Variants in ARHGAP29 observed in about 807,000 individuals in gnomAD.
ARHGAP29 encodes Rho GTPase activating protein 29, also known as rho GTPase-activating protein 29.
Under a neutral mutation model 122.6 loss-of-function variants are expected in ARHGAP29, and 43 were observed. The observed-to-expected ratio is 0.35, with a 90% CI of 0.27 to 0.45. The LOEUF is 0.45. Ranked by LOEUF, ARHGAP29 falls within the 20% of genes least tolerant of loss-of-function variation. The pLI is 1.00. For synonymous variants in ARHGAP29, 506 were observed against 497.1 expected, an observed-to-expected ratio of 1.02 and a Z score of -0.24; for missense variants, 1,303 against 1,477.2, an observed-to-expected ratio of 0.88 and a Z score of 1.93.
chr1:94,311,352 C>T, the ARHGAP29 span, among the ~76,000 whole-genome samples: 1 of 152,160 alleles, frequency 6.6e-6, no homozygotes, highest in Non-Finnish European at 1.5e-5. Context: ...ATGGAATCAA[C>T]CTTTTCTTCT....
chr1:94,217,004 A>G (rs796148889), intron 3 of ARHGAP29, among the ~76,000 whole-genome samples: 11 of 152,348 alleles, frequency 7.2e-5, no homozygotes, highest in African/African-American at 2.6e-4. Context: ...CATTTAAAAT[A>G]AAAAATATGG....
At chr1:94,285,591 G>T in the ARHGAP29 span, among the ~76,000 whole-genome samples, 1 of 152,080 alleles carries the variant, frequency 6.6e-6, no homozygotes, top group Non-Finnish European at 1.5e-5. Flanking sequence ...GAATGTACTG[G>T]TGTAGAGAAA....
chr1:94,221,014 T>C (rs1652260951), intron 2 of ARHGAP29, among the ~76,000 whole-genome samples: 1 of 152,180 alleles, frequency 6.6e-6, no homozygotes, highest in Non-Finnish European at 1.5e-5. Context: ...GCTGCTCTCT[T>C]AGATAGATGA....
chr1:94,249,162 C>T (rs142209811), intron 1 of ARHGAP29, among the ~76,000 whole-genome samples: 2 of 152,182 alleles, frequency 1.3e-5, no homozygotes, highest in Non-Finnish European at 2.9e-5. Flanking sequence ...CAGCATGTGC[C>T]CTGAATCATC....
rs553051606 is a variant in ARHGAP29, at chr1:94,201,869, T to C, written c.1144-12A>G. 9.1e-6 allele frequency: 13 copies of C among 1,434,062 alleles called. No individual in the cohort carries two copies. The highest frequency in any genetic ancestry group is 1.1e-5 in the Non-Finnish European group (12 of 1,095,232). 88.8% of individuals were successfully genotyped at this position (1,434,062 alleles called of 1,614,324 possible). ...TTTGCTTCTTCTACCTTCACAAATATCACAGAAAAAAAAATAACACTAGAA... is the reference window on the plus strand; with the variant it reads ...TTTGCTTCTTCTACCTTCACAAATACCACAGAAAAAAAAATAACACTAGAA... On this transcript the variant is annotated splice_polypyrimidine_tract_variant and intron_variant, in intron 11 of 22. Coordinates refer to ENST00000260526, the MANE Select transcript of ARHGAP29 (RefSeq NM_004815.4).
At chr1:94,203,780 A>C in intron 8 of ARHGAP29, 150 bp downstream of exon 8, 1 of 645,656 alleles carries the variant, frequency 1.5e-6, no homozygotes, top group East Asian at 2.8e-5. Context: ...CATAATGGAC[A>C]TCCATCTAAA....
At chr1:94,301,369 G>A in the ARHGAP29 span, among the ~76,000 whole-genome samples, 3 of 152,274 alleles carry the variant, frequency 2.0e-5, no homozygotes, top group East Asian at 5.8e-4. Context: ...GGCTTCAGAC[G>A]TGTCTAGATC....
At chr1:94,249,778 T>C (rs1654011937) in intron 1 of ARHGAP29, among the ~76,000 whole-genome samples, 1 of 152,012 alleles carries the variant, frequency 6.6e-6, no homozygotes, top group Admixed American at 6.6e-5. Flanking sequence ...AGAAAATTAG[T>C]CATCCTATTT....
intron 19 of ARHGAP29, among the ~76,000 whole-genome samples, chr1:94,180,910 T>G (rs1368420569): frequency 6.6e-6 from 1 of 152,176 alleles, no homozygotes; most frequent in African/African-American, 2.4e-5. Flanking sequence ...GATGATTCAT[T>G]ATGAGATTTA....
chr1:94,195,165 GA>G (rs1397341346), intron 12 of ARHGAP29: 1 of 152,190 alleles, frequency 6.6e-6, no homozygotes, highest in African/African-American at 2.4e-5. Flanking sequence ...AACGAGAAGG[GA>G]AGGGAAAGAG....
At chr1:94,253,433 T>C (rs984843483) in intron 1 of ARHGAP29, among the ~76,000 whole-genome samples, 31 of 152,306 alleles carry the variant, frequency 2.0e-4, no homozygotes, top group Middle Eastern at 3.4e-3. Flanking sequence ...CCTTGATCAT[T>C]CTTAGTTTAA....
chr1:94,232,380 C>T (rs1652973570), intron 1 of ARHGAP29, among the ~76,000 whole-genome samples: 1 of 152,088 alleles, frequency 6.6e-6, no homozygotes, highest in African/African-American at 2.4e-5. Flanking sequence ...ACACACACAA[C>T]ACATCCTGGA....
chr1:94,202,587 T>C lies in ARHGAP29; in HGVS notation c.1100A>G (p.Gln367Arg). Residue 367 changes from glutamine (Q) to arginine (R), a missense_variant, in exon 11 of 23, where the codon CAA becomes CGA. Transcript: ENST00000260526. ...TTCCAACCTTCGCTTTTTTTCTAGTTGCTTGTTGAGATTTTTTGCTAATCC... is the reference window on the plus strand; with the variant it reads ...TTCCAACCTTCGCTTTTTTTCTAGTCGCTTGTTGAGATTTTTTGCTAATCC... ...SGGLAKNLNKQLEKKRRLEEE... is the reference protein window; with the variant it reads ...SGGLAKNLNKRLEKKRRLEEE... The C allele has an allele frequency of 6.2e-7, 1 of 1,614,204 alleles. No homozygotes were observed. The highest frequency in any genetic ancestry group is 8.5e-7 in the Non-Finnish European group (1 of 1,180,038).
At chr1:94,245,391 C>T (rs1260671469) in intron 1 of ARHGAP29, among the ~76,000 whole-genome samples, 1 of 152,150 alleles carries the variant, frequency 6.6e-6, no homozygotes, top group Non-Finnish European at 1.5e-5. Flanking sequence ...TACTATTTAA[C>T]ATTACATATC....
intron 1 of ARHGAP29, among the ~76,000 whole-genome samples, chr1:94,268,073 T>C (rs1317343975): frequency 6.6e-6 from 1 of 152,180 alleles, no homozygotes; most frequent in Non-Finnish European, 1.5e-5. Flanking sequence ...AAAAAACTAG[T>C]AAATTTCATT....
upstream of ARHGAP29, among the ~76,000 whole-genome samples, chr1:94,241,069 G>C (rs1469021334): frequency 3.3e-5 from 5 of 152,174 alleles, no homozygotes; most frequent in East Asian, 7.7e-4. Context: ...TACATGCATA[G>C]GACTACCCTC....
chr1:94,237,634 G>T (rs936141458), upstream of ARHGAP29: 19 of 986,552 alleles, frequency 1.9e-5, no homozygotes, highest in South Asian at 2.3e-4. Context: ...CCGCCCGCCC[G>T]CCAGCCCCGC....
chr1:94,230,224 T>C (rs1347396777), intron 2 of ARHGAP29, among the ~76,000 whole-genome samples: 1 of 151,778 alleles, frequency 6.6e-6, no homozygotes, highest in East Asian at 1.9e-4. Flanking sequence ...ATTTATCATT[T>C]TGGTAAATTT....
chr1:94,191,056 G>A (rs1315721703), intron 12 of ARHGAP29: 1 of 152,130 alleles, frequency 6.6e-6, no homozygotes, highest in African/African-American at 2.4e-5. Flanking sequence ...GAATGCGAAA[G>A]AGCTTGTCAT....
Sources: allele counts gnomAD v4.1 joint callset (sites outside exome capture counted in the v4.1 genomes callset), GRCh38; gene constraint gnomAD v4.1.1; transcripts MANE v1.5; gene names NCBI Gene and HGNC (gene_info 2026-07-23, HGNC 2026-07-21).